Variants in CNOT3 observed in about 807,000 individuals in gnomAD.
CNOT3 encodes CCR4-associated factor 3.
A neutral mutation model predicts 89.4 loss-of-function variants in CNOT3; 2 were observed. The observed-to-expected ratio is 0.02, with a 90% CI of 0.01 to 0.07. CNOT3 has a LOEUF of 0.07. CNOT3 is among the 10% of genes least tolerant of loss of function. The probability of loss-of-function intolerance (pLI) is 1.00; values close to 1 mark genes in which losing one functional copy is unlikely to be tolerated. For missense variants in CNOT3, 664 were observed against 1,010.2 expected, an observed-to-expected ratio of 0.66 and a Z score of 4.65; for synonymous variants, 486 against 402.0, an observed-to-expected ratio of 1.21 and a Z score of -2.50.
In CNOT3 at chr19:54,148,885, C is replaced by T. The variant is rs1232809269; in HGVS notation, c.1406+142C>T. 1.3e-5 allele frequency: 9 copies of T among 676,836 alleles called. No individual in the cohort carries two copies. The highest frequency in any genetic ancestry group is 1.2e-4 in the Admixed American group (4 of 33,336). 41.9% of individuals were successfully genotyped at this position (676,836 alleles called of 1,614,324 possible). ...GCCAAGCGCTATCCTCCATCTCCCT[C>T]GGGTGTTACACCCCCACTTCTTTCC... On this transcript the variant is annotated intron_variant, in intron 12 of 17. Coordinates refer to ENST00000221232, the MANE Select transcript of CNOT3 (RefSeq NM_014516.4). The surrounding 1 kb of genome is among the most constrained non-coding windows in gnomAD (Gnocchi z 6.3).
rs1169655335 is a variant in CNOT3, at chr19:54,148,062, G to A, written c.895-86G>A. The stretch of plus-strand genomic sequence containing the variant: ...AGCGAGGCCAGAGAGGAGGCTGCTG[G>A]GACAAAGATGGAGCCTGAGGTGGGG... On this transcript the variant is annotated intron_variant, in intron 10 of 17. Coordinates refer to ENST00000221232, the MANE Select transcript of CNOT3 (RefSeq NM_014516.4). The surrounding 1 kb of genome is among the most constrained non-coding windows in gnomAD (Gnocchi z 6.3). 2 of 1,110,668 alleles carry A rather than the reference G, an allele frequency of 1.8e-6. No homozygotes were observed. The highest frequency in any genetic ancestry group is 3.1e-5 in the East Asian group (1 of 32,682). 68.8% of individuals were successfully genotyped at this position (1,110,668 alleles called of 1,614,324 possible).
At position 54,144,840 on chromosome 19, in the gene CNOT3, A is replaced by G. The variant is rs587708916; in HGVS notation, c.483+508A>G. Among the ~76,000 whole-genome samples the G allele has an allele frequency of 6.6e-6, 1 of 152,254 alleles. No homozygotes were observed. Among genetic ancestry groups the G allele is most frequent in the African/African-American group, 2.4e-5 (1 of 41,552 alleles). ...TCCGGGATTGTGGGGTATGAGTTCA[A>G]AGGGATACAAACTGTACAGACTTGC... is the stretch of plus-strand genomic sequence containing the variant. On this transcript the variant is annotated intron_variant, in intron 7 of 17. Coordinates refer to ENST00000221232, the MANE Select transcript of CNOT3 (RefSeq NM_014516.4). This position sits in a 1 kb window ranked among gnomAD's most constrained non-coding sequence, Gnocchi z 4.8.
Position 54,152,939 on chromosome 19 carries a change from T to C in CNOT3, c.1977T>C (p.Thr659=), listed in dbSNP as rs781178542. ...HHQMPPPHSD[T]VEFYQRLSTE... ...AGATGCCACCCCCACACTCGGACAC[T>C]GTGGAATTCTACCAGCGCCTGTCGA... The change falls in exon 16 of 18, where the codon ACT becomes ACC. Residue 659 remains threonine, a synonymous_variant. Transcript: ENST00000221232. The C allele has an allele frequency of 1.3e-6, 2 of 1,591,550 alleles. No individual in the cohort carries two copies. The highest frequency in any genetic ancestry group is 2.2e-5 in the South Asian group (2 of 89,968).
chr19:54,145,572 G>T lies in CNOT3; in HGVS notation c.484-26G>T. On this transcript the variant is annotated intron_variant, in intron 7 of 17. Coordinates refer to ENST00000221232, the MANE Select transcript of CNOT3 (RefSeq NM_014516.4). This position sits in a 1 kb window ranked among gnomAD's most constrained non-coding sequence, Gnocchi z 5.9. ...GCCAAGCAGGTGCTCTGCAGCCCCT[G>T]AGCCTGGCCCTGGGCTCGCCAGCAG... 6.3e-7 allele frequency: 1 copy of T among 1,575,880 alleles called. No individual in the cohort carries two copies. The highest frequency in any genetic ancestry group is 8.7e-7 in the Non-Finnish European group (1 of 1,146,958).
intron 1 of CNOT3, among the ~76,000 whole-genome samples, chr19:54,140,710 C>G (rs1199556606): frequency 6.6e-6 from 1 of 152,132 alleles, no homozygotes; most frequent in Non-Finnish European, 1.5e-5. Context: ...CAGCTGTAGC[C>G]GACTTCGATG....
In CNOT3 at chr19:54,146,586, C is replaced by T; in HGVS notation, c.838-15C>T. 1.5e-6 allele frequency: 2 copies of T among 1,357,708 alleles called. No homozygotes were observed. The highest frequency in any genetic ancestry group is 1.2e-5 in the South Asian group (1 of 85,764). 84.1% of individuals were successfully genotyped at this position (1,357,708 alleles called of 1,614,324 possible). ...AGAGGTCACACAGGTTTCTATTCTG[C>T]CTCCCCTACCTCAGGAAAACTCTGA... On this transcript the variant is annotated splice_polypyrimidine_tract_variant and intron_variant, in intron 9 of 17. Transcript: ENST00000221232.
chr19:54,140,115 C>T (rs1382335273), intron 1 of CNOT3, among the ~76,000 whole-genome samples: 4 of 152,204 alleles, frequency 2.6e-5, no homozygotes, highest in African/African-American at 9.6e-5. Flanking sequence ...GGCTGACCTC[C>T]TGCCCCTCCC....
chr19:54,141,912 T>C (rs2074464984), intron 1 of CNOT3: 1 of 152,238 alleles, frequency 6.6e-6, no homozygotes, highest in African/African-American at 2.4e-5. Flanking sequence ...CTGGTCTCGC[T>C]GTCAGGCCCT....
chr19:54,142,451 C>CACACACACACACACA, intron 1 of CNOT3: 1 of 239,842 alleles, frequency 4.2e-6, no homozygotes, highest in Non-Finnish European at 8.3e-6. Flanking sequence ...CACACACACA[C>CACACACACACACACA]GCCCTTCTCT....
rs781735835 is a variant in CNOT3 at position 54,149,641 on chromosome 19, C to T, written c.1488C>T (p.Leu496=). 7 of 1,613,878 alleles carry T rather than the reference C, an allele frequency of 4.3e-6. No individual in the cohort carries two copies. In the East Asian group the frequency reaches 1.1e-4, roughly 26 times the overall value. The change falls in exon 13 of 18, where the codon CTC becomes CTT. Residue 496 remains leucine, a synonymous_variant. Coordinates refer to ENST00000221232, the MANE Select transcript of CNOT3 (RefSeq NM_014516.4). The part of the protein sequence containing the change: ...GSGNNSGGPS[L]LVPLPVNPPS... The stretch of plus-strand genomic sequence containing the variant: ...GGAACAACTCAGGGGGACCCAGCCT[C>T]CTGGTGCCACTGCCTGTGAATCCTC...
chr19:54,149,655 C>G lies in CNOT3; in HGVS notation c.1502C>G (p.Pro501Arg), dbSNP rs1359227754. The change falls in exon 13 of 18, where the codon CCT becomes CGT. Residue 501 changes from proline (P) to arginine (R), a missense_variant. Physicochemically the swap from Pro to Arg is moderately radical, Grantham distance 103. Around this residue, in one of 8 missense-constraint regions of CNOT3, gnomAD observed 545 missense variants for 566.2 expected, o/e 0.96. Coordinates refer to ENST00000221232, the MANE Select transcript of CNOT3 (RefSeq NM_014516.4). ...GGACCCAGCCTCCTGGTGCCACTGC[C>G]TGTGAATCCTCCCAGCTCCCCAACG... ...SGGPSLLVPL[P>R]VNPPSSPTPS... The G allele has an allele frequency of 6.2e-7, 1 of 1,613,920 alleles. No individual in the cohort carries two copies. The highest frequency in any genetic ancestry group is 8.5e-7 in the Non-Finnish European group (1 of 1,179,960).
chr19:54,145,786 T>C lies in CNOT3; in HGVS notation c.672T>C (p.Phe224=). ...SQDPDFEENE[F]LYDDLDLEDI... ...ACCCCGACTTCGAGGAGAACGAGTT[T>C]CTCTACGATGACCTGGACCTCGAGG... is the stretch of plus-strand genomic sequence containing the variant. The change falls in exon 8 of 18, where the codon TTT becomes TTC. Residue 224 remains phenylalanine (F), a synonymous_variant. Transcript: ENST00000221232. The surrounding 1 kb of genome is among the most constrained non-coding windows in gnomAD (Gnocchi z 5.9). 1 of 1,613,514 alleles carries C rather than the reference T, an allele frequency of 6.2e-7. No homozygotes were observed. Among genetic ancestry groups the C allele is most frequent in the Non-Finnish European group, 8.5e-7 (1 of 1,179,448 alleles).
intron 17 of CNOT3, chr19:54,154,087 TC>T: frequency 1.4e-6 from 1 of 693,604 alleles, no homozygotes; most frequent in Non-Finnish European, 2.7e-6. Flanking sequence ...AAAGAAACCT[TC>T]CTGGAGCCAC....
chr19:54,142,052 G>A (rs192074905), intron 1 of CNOT3: 1 of 152,224 alleles, frequency 6.6e-6, no homozygotes, highest in Admixed American at 6.5e-5. Flanking sequence ...TGCCCTGATG[G>A]TCTATGTCTC....
chr19:54,145,710 C>G lies in CNOT3; in HGVS notation c.596C>G (p.Ala199Gly). The change falls in exon 8 of 18, where the codon GCC becomes GGC. Residue 199 changes from alanine to glycine, a missense_variant. By Grantham distance (60) the Ala-to-Gly change is moderately conservative. Coordinates refer to ENST00000221232, the MANE Select transcript of CNOT3 (RefSeq NM_014516.4). The surrounding 1 kb of genome is among the most constrained non-coding windows in gnomAD (Gnocchi z 5.9). The part of the protein sequence containing the change: ...MLDNDSILVD[A>G]IRKIKDDVEY... Reference sequence around the variant, plus strand: ...GACAATGACTCCATCCTCGTTGACGCCATCCGCAAGATCAAGGACGACGTT... The same window carrying G: ...GACAATGACTCCATCCTCGTTGACGGCATCCGCAAGATCAAGGACGACGTT... 6.2e-7 allele frequency: 1 copy of G among 1,612,618 alleles called. No homozygotes were observed. Among genetic ancestry groups the G allele is most frequent in the Non-Finnish European group, 8.5e-7 (1 of 1,178,594 alleles).
rs369731021 is a variant in CNOT3 at position 54,152,858 on chromosome 19, C to A, written c.1905-9C>A. ...GCAGCTGGCACTGACCTTCCTGTTG[C>A]TCTCACAGGCAGTACCTCCCCCGGA... On this transcript the variant is annotated splice_polypyrimidine_tract_variant and intron_variant, in intron 15 of 17. Coordinates refer to ENST00000221232, the MANE Select transcript of CNOT3 (RefSeq NM_014516.4). 5.4e-5 allele frequency: 73 copies of A among 1,359,434 alleles called. No homozygotes were observed. Among genetic ancestry groups the A allele is most frequent in the Admixed American group, 1.2e-4 (6 of 51,118 alleles). 84.2% of individuals were successfully genotyped at this position (1,359,434 alleles called of 1,614,324 possible).
rs765407340 is a variant in CNOT3 at position 54,145,874 on chromosome 19, G to T, written c.704-36G>T. On this transcript the variant is annotated intron_variant, in intron 8 of 17. Coordinates refer to ENST00000221232, the MANE Select transcript of CNOT3 (RefSeq NM_014516.4). The surrounding 1 kb of genome is among the most constrained non-coding windows in gnomAD (Gnocchi z 5.9). ...AGTGAGGGCCCAGAATGGGCTGTGT[G>T]AGCCAGCTAAGCATGCCCTTCTTCT... is the stretch of plus-strand genomic sequence containing the variant. 1 of 1,611,888 alleles carries T rather than the reference G, an allele frequency of 6.2e-7. No homozygotes were observed. Among genetic ancestry groups the T allele is most frequent in the East Asian group, 2.2e-5 (1 of 44,868 alleles).
Position 54,144,166 on chromosome 19 carries a change from C to CT in CNOT3, c.387+33dup, listed in dbSNP as rs1568634745. 1 of 1,609,706 alleles carries CT rather than the reference C, an allele frequency of 6.2e-7. No homozygotes were observed. The highest frequency in any genetic ancestry group is 8.5e-7 in the Non-Finnish European group (1 of 1,177,396). ...TGGGGTAGAGAAGAGGAGGTGAACT[C>CT]TGAGGATCCTGAGCCCTGGGTGTAG... On this transcript the variant is annotated intron_variant, in intron 6 of 17. Transcript: ENST00000221232. The surrounding 1 kb of genome is among the most constrained non-coding windows in gnomAD (Gnocchi z 4.8).
Position 54,155,416 on chromosome 19 carries a change from C to A in CNOT3, c.*9C>A, listed in dbSNP as rs759780623. The A allele has an allele frequency of 1.9e-6, 3 of 1,556,016 alleles. No homozygotes were observed. Among genetic ancestry groups the A allele is most frequent in the Non-Finnish European group, 2.6e-6 (3 of 1,138,742 alleles). On this transcript the variant is annotated 3_prime_UTR_variant, in exon 18 of 18. Transcript: ENST00000221232. ...ACCGGGACCTCCAGTGACACCGGCC[C>A]CTCCCTCTACCCACCCCCTTCCCCC...
Sources: gnomAD v4.1 joint callset for allele counts (sites outside exome capture counted in the v4.1 genomes callset) on GRCh38, gnomAD v4.1.1 for gene constraint, gnomAD v4.1.1 regional missense constraint, Gnocchi (gnomAD v3.1) non-coding constraint, MANE v1.5 for transcripts, NCBI Gene and HGNC (gene_info 2026-07-23, HGNC 2026-07-21) for gene names.